TK2: variants seen among roughly 807,000 people sequenced by gnomAD.
TK2 encodes thymidine kinase 2.
A neutral mutation model predicts 41.9 loss-of-function variants in TK2; 35 were observed. The ratio of observed to expected loss-of-function variants is 0.84; its 90% CI spans 0.64 to 1.11. The LOEUF (loss-of-function observed/expected upper bound fraction) is 1.11. TK2 is among the 50% of genes least tolerant of loss of function. The pLI is 0.00. For synonymous variants in TK2, 128 were observed against 129.1 expected (o/e 0.99, Z 0.06); for missense variants, 320 against 351.1 (o/e 0.91, Z 0.71).
At chr16:66,549,508 T>G in intron 1 of TK2, 3 of 1,036,480 alleles carry the variant, frequency 2.9e-6, no homozygotes, top group Non-Finnish European at 3.5e-6. Context: ...CCCGTTTCTG[T>G]GTGGGTCCCC....
chr16:66,526,107 CCAAA>C (rs1443869784), intron 6 of TK2, among the ~76,000 whole-genome samples: 2 of 152,098 alleles, frequency 1.3e-5, no homozygotes, highest in African/African-American at 2.4e-5. Context: ...CTGTGACCGG[CCAAA>C]CAAAGACAAA....
At position 66,510,716 on chromosome 16, in the gene TK2, T is replaced by C. The variant is rs1458513480; in HGVS notation, c.*1252A>G. 1 of 152,238 alleles carries C rather than the reference T, an allele frequency of 6.6e-6. No individual in the cohort carries two copies. Among genetic ancestry groups the C allele is most frequent in the Non-Finnish European group, 1.5e-5 (1 of 68,054 alleles). The allele number at this position is 152,238 out of a possible 1,614,324, so 9.4% of individuals were successfully genotyped here. On this transcript the variant is annotated 3_prime_UTR_variant, in exon 10 of 10. Transcript: ENST00000544898. ...CATCTAGTCTTCTTGAAGCTCTCTC[T>C]GCCCACCTCCAAAGCTTCAGGACCA...
chr16:66,512,930 C>G (rs1597073100), intron 9 of TK2, among the ~76,000 whole-genome samples: 1 of 152,204 alleles, frequency 6.6e-6, no homozygotes, highest in Non-Finnish European at 1.5e-5. Flanking sequence ...TGCCTCACAT[C>G]CCATCAAACA....
Position 66,511,972 on chromosome 16 carries a change from G to C in TK2, c.794C>G (p.Pro265Arg), listed in dbSNP as rs1964463184. ...GAGCCATAGACCTTTTGCCTCCTATGGGCAATGCTTCCGATTCTCTGGAGT... is the reference window on the plus strand; with the variant it reads ...GAGCCATAGACCTTTTGCCTCCTATCGGCAATGCTTCCGATTCTCTGGAGT... ...ILTPENRKHCP is the reference protein window; with the variant it reads ...ILTPENRKHCR Residue 265 changes from proline to arginine, a missense_variant, in exon 10 of 10, where the codon CCA becomes CGA. By Grantham distance (103) the Pro-to-Arg change is moderately radical. Transcript: ENST00000544898. 1 of 1,613,884 alleles carries C rather than the reference G, an allele frequency of 6.2e-7. No individual in the cohort carries two copies. The highest frequency in any genetic ancestry group is 1.7e-5 in the Admixed American group (1 of 60,008).
chr16:66,513,877 A>G (rs1033410268), intron 8 of TK2, 66 bp from the exon 9 acceptor site: 1 of 1,418,772 alleles, frequency 7.0e-7, no homozygotes, highest in Non-Finnish European at 9.9e-7. Flanking sequence ...CAAGGGTGTC[A>G]AGCAGAGGGG....
At chr16:66,531,016 C>A (rs1481808077) in intron 5 of TK2, among the ~76,000 whole-genome samples, 1 of 152,222 alleles carries the variant, frequency 6.6e-6, no homozygotes, top group African/African-American at 2.4e-5. Flanking sequence ...ATCCACCACA[C>A]CCAGCTGAAA....
In TK2 at chr16:66,514,881, C is replaced by G. The variant is rs1003735284; in HGVS notation, c.619-1070G>C. Among the ~76,000 whole-genome samples, 11 of 152,204 alleles carry G rather than the reference C, an allele frequency of 7.2e-5. No homozygotes were observed. The highest frequency in any genetic ancestry group is 1.3e-4 in the Non-Finnish European group (9 of 68,048). ...ATAACCTTACCCCCAACCCCGTGCT[C>G]TCTGAAACGTGTGCTGTGTCCACTA... On this transcript the variant is annotated intron_variant, in intron 8 of 9. Coordinates refer to ENST00000544898, the MANE Select transcript of TK2 (RefSeq NM_004614.5). The surrounding 1 kb of genome is among the most constrained non-coding windows in gnomAD (Gnocchi z 4.2).
At chr16:66,513,535 G>A (rs1408368186) in intron 9 of TK2, among the ~76,000 whole-genome samples, 196 bp downstream of exon 9, 1 of 152,118 alleles carries the variant, frequency 6.6e-6, no homozygotes, top group Non-Finnish European at 1.5e-5. Context: ...CCTTCCCTCG[G>A]GTCTGGCCAA....
At chr16:66,521,107 T>C (rs1964766864) in intron 6 of TK2, among the ~76,000 whole-genome samples, 1 of 152,200 alleles carries the variant, frequency 6.6e-6, no homozygotes, top group Admixed American at 6.5e-5. Flanking sequence ...GGAGACTCTG[T>C]CCAATCCCAG....
intron 8 of TK2, among the ~76,000 whole-genome samples, chr16:66,515,269 T>C (rs934642794): frequency 6.6e-6 from 1 of 151,826 alleles, no homozygotes; most frequent in African/African-American, 2.4e-5. Context: ...GGCCCAGCCC[T>C]GGGCAGCCTC....
chr16:66,525,858 T>A (rs1964915493), intron 6 of TK2, among the ~76,000 whole-genome samples: 1 of 152,154 alleles, frequency 6.6e-6, no homozygotes, highest in Non-Finnish European at 1.5e-5. Context: ...AGGCCATGCA[T>A]TCTGGGAGGG....
intron 1 of TK2, chr16:66,549,245 G>A (rs976786015): frequency 5.8e-6 from 8 of 1,388,232 alleles, no homozygotes; most frequent in Non-Finnish European, 7.5e-6. Context: ...CTTTCACTTA[G>A]TACATTATAC....
intron 2 of TK2, among the ~76,000 whole-genome samples, chr16:66,547,661 G>A (rs1358681348): frequency 6.6e-6 from 1 of 151,480 alleles, no homozygotes; most frequent in East Asian, 1.9e-4. Context: ...AGTTACTGCT[G>A]TCTCCCCCAT....
At chr16:66,524,120 A>C (rs905674085) in intron 6 of TK2, among the ~76,000 whole-genome samples, 3 of 152,206 alleles carry the variant, frequency 2.0e-5, no homozygotes, top group African/African-American at 7.2e-5. Flanking sequence ...GAAATTAAGA[A>C]ACCACAGGCC....
At position 66,514,638 on chromosome 16, in the gene TK2, C is replaced by A. The variant is rs545154974; in HGVS notation, c.619-827G>T. Among the ~76,000 whole-genome samples the A allele has an allele frequency of 1.9e-4, 29 of 152,198 alleles. No individual in the cohort carries two copies. The highest frequency in any genetic ancestry group is 3.4e-4 in the Non-Finnish European group (23 of 68,042). ...CGCTCAGTCTGGGAAGTGAGGAGCCCCTCTGCCCGGCCACCACCCCGTCTG... is the reference window on the plus strand; with the variant it reads ...CGCTCAGTCTGGGAAGTGAGGAGCCACTCTGCCCGGCCACCACCCCGTCTG... On this transcript the variant is annotated intron_variant, in intron 8 of 9. Transcript: ENST00000544898. The surrounding 1 kb of genome is among the most constrained non-coding windows in gnomAD (Gnocchi z 4.2).
rs1308008369 is a variant in TK2, at chr16:66,511,253, C to T, written c.*715G>A. 6.4e-6 allele frequency: 1 copy of T among 155,468 alleles called. No homozygotes were observed. The highest frequency in any genetic ancestry group is 2.4e-5 in the African/African-American group (1 of 41,458). The allele number at this position is 155,468 out of a possible 1,614,324, so 9.6% of individuals were successfully genotyped here. On this transcript the variant is annotated 3_prime_UTR_variant, in exon 10 of 10. Transcript: ENST00000544898. ...GATGTGGTAGATGGGGCTGCAGCGA[C>T]CTCGGGCAGGGAAACCACTGAACAC...
In TK2 at chr16:66,514,130, CT is replaced by C. The variant is rs1448740975; in HGVS notation, c.619-320del. Among the ~76,000 whole-genome samples the C allele has an allele frequency of 5.3e-5, 8 of 150,128 alleles. No homozygotes were observed. The highest frequency in any genetic ancestry group is 7.6e-5 in the African/African-American group (3 of 39,646). On this transcript the variant is annotated intron_variant, in intron 8 of 9. Transcript: ENST00000544898. The surrounding 1 kb of genome is among the most constrained non-coding windows in gnomAD (Gnocchi z 4.2). ...AAGGCAGGACCCCCTCCCCCTCCCC[CT>C]CTCCCTCTCCCCTTTGCACGGTTTC...
intron 2 of TK2, among the ~76,000 whole-genome samples, chr16:66,542,607 T>C (rs1457269541): frequency 6.6e-6 from 1 of 151,846 alleles, no homozygotes; most frequent in Non-Finnish European, 1.5e-5. Context: ...GAACCTAGAC[T>C]CTGCTCACAA....
intron 6 of TK2, among the ~76,000 whole-genome samples, chr16:66,519,086 C>A (rs1176586236): frequency 6.8e-6 from 1 of 147,736 alleles, no homozygotes; most frequent in Non-Finnish European, 1.5e-5. Flanking sequence ...CTCAGCCTCC[C>A]GAGTAGCTGG....
Sources: gnomAD v4.1 joint callset for allele counts (sites outside exome capture counted in the v4.1 genomes callset) on GRCh38, gnomAD v4.1.1 for gene constraint, Gnocchi (gnomAD v3.1) non-coding constraint, MANE v1.5 for transcripts, NCBI Gene and HGNC (gene_info 2026-07-23, HGNC 2026-07-21) for gene names.